GLI3: variants seen among roughly 807,000 people sequenced by gnomAD.
GLI3 encodes the protein GLI family zinc finger 3, also known as transcription activator GLI3.
GLI3 carries 20 observed loss-of-function variants against 100.8 expected under a neutral mutation model. The observed-to-expected ratio is 0.20, with a 90% CI of 0.14 to 0.29. The LOEUF (loss-of-function observed/expected upper bound fraction) is 0.29, where lower values mean the gene tolerates loss of function less well. Among genes scored for constraint, GLI3 ranks in the 10% least tolerant of loss-of-function variants. GLI3 has a pLI of 1.00. For missense variants in GLI3, 2,040 were observed against 2,128.5 expected (o/e 0.96, Z 0.82); for synonymous variants, 938 against 860.5 (o/e 1.09, Z -1.58).
chr7:42,084,705 A>G (rs1785064904), intron 3 of GLI3, among the ~76,000 whole-genome samples: 2 of 152,220 alleles, frequency 1.3e-5, no homozygotes, highest in Non-Finnish European at 1.5e-5. Context: ...ATGTAAACAT[A>G]TAAGGAATCA....
At chr7:42,201,361 T>C (rs1319934836) in intron 2 of GLI3, among the ~76,000 whole-genome samples, 1 of 152,146 alleles carries the variant, frequency 6.6e-6, no homozygotes, top group African/African-American at 2.4e-5. Flanking sequence ...TGCTGGGCAA[T>C]TGACAGAATC....
intron 3 of GLI3, among the ~76,000 whole-genome samples, chr7:42,125,347 G>A (rs1406265205): frequency 6.6e-6 from 1 of 152,136 alleles, no homozygotes; most frequent in Non-Finnish European, 1.5e-5. Flanking sequence ...GACCTTAAAA[G>A]GCTGAACAAC....
At chr7:42,148,613 G>A (rs1786779903) in intron 2 of GLI3, 145 bp from the exon 3 acceptor site, 3 of 772,808 alleles carry the variant, frequency 3.9e-6, no homozygotes, top group East Asian at 2.5e-5. Context: ...GAGCTACAGG[G>A]CTGGGATGGG....
chr7:42,207,762 A>C (rs889259994), intron 2 of GLI3, among the ~76,000 whole-genome samples: 1 of 152,214 alleles, frequency 6.6e-6, no homozygotes, highest in Non-Finnish European at 1.5e-5. Context: ...AATATACCAA[A>C]GTGTTAACTT....
At chr7:42,085,264 C>G (rs1025778188) in intron 3 of GLI3, among the ~76,000 whole-genome samples, 1 of 151,994 alleles carries the variant, frequency 6.6e-6, no homozygotes, top group Non-Finnish European at 1.5e-5. Context: ...GTTAGGAAAC[C>G]AACAACTGAT....
Position 41,966,175 on chromosome 7 carries a change from A to G in GLI3, c.2898T>C (p.Pro966=). The G allele has an allele frequency of 1.9e-6, 3 of 1,602,390 alleles. No individual in the cohort carries two copies. Among genetic ancestry groups the G allele is most frequent in the Non-Finnish European group, 2.5e-6 (3 of 1,177,212 alleles). Residue 966 remains proline, a synonymous_variant, in exon 15 of 15, where the codon CCT becomes CCC. Coordinates refer to ENST00000395925, the MANE Select transcript of GLI3 (RefSeq NM_000168.6). This position sits in a 1 kb window ranked among gnomAD's most constrained non-coding sequence, Gnocchi z 5.8. ...CATGAACTGGAGGCAGGGCCACGCCAGGCTCGAGGGCATCCCCGAGCAGCG... is the reference window on the plus strand; with the variant it reads ...CATGAACTGGAGGCAGGGCCACGCCGGGCTCGAGGGCATCCCCGAGCAGCG... ...RLALLGDALE[P]GVALPPVHAP... is the part of the protein sequence containing the mutation.
rs186686615 is a variant in GLI3, at chr7:42,080,475, C to T, written c.368-3618G>A. On this transcript the variant is annotated intron_variant, in intron 3 of 14. Coordinates refer to ENST00000395925, the MANE Select transcript of GLI3 (RefSeq NM_000168.6). ...TGGTTTAAGTGTCTCACTGTTTCTACGTTTCCCCTCTTGATTAAATTTAAA... is the reference window on the plus strand; with the variant it reads ...TGGTTTAAGTGTCTCACTGTTTCTATGTTTCCCCTCTTGATTAAATTTAAA... Among the ~76,000 whole-genome samples the T allele has an allele frequency of 1.6e-3, 251 of 152,268 alleles. 2 individuals carry two copies. Among genetic ancestry groups the T allele is most frequent in the Non-Finnish European group, 5.3e-4 (36 of 68,020 alleles).
chr7:42,003,236 G>A (rs771771858), intron 10 of GLI3, among the ~76,000 whole-genome samples: 11 of 152,170 alleles, frequency 7.2e-5, no homozygotes, highest in Non-Finnish European at 1.6e-4. Context: ...GTAAATTAAA[G>A]TGAATGTTAT....
At chr7:42,134,300 T>A (rs991329904) in intron 3 of GLI3, among the ~76,000 whole-genome samples, 1 of 151,974 alleles carries the variant, frequency 6.6e-6, no homozygotes, top group African/African-American at 2.4e-5. Context: ...TTCAAATAAC[T>A]ATGCATGAGA....
At chr7:42,084,075 C>T (rs534177862) in intron 3 of GLI3, among the ~76,000 whole-genome samples, 6 of 152,326 alleles carry the variant, frequency 3.9e-5, no homozygotes, top group South Asian at 2.1e-4. Flanking sequence ...TAAACTTCCA[C>T]GGACATTCTC....
At chr7:42,113,394 T>C (rs780311759) in intron 3 of GLI3, 1 of 700,312 alleles carries the variant, frequency 1.4e-6, no homozygotes. Flanking sequence ...AGGGGGATGC[T>C]GAAGGAGATG....
chr7:42,116,647 G>T (rs1278327629), intron 3 of GLI3, among the ~76,000 whole-genome samples: 1 of 152,098 alleles, frequency 6.6e-6, no homozygotes, highest in East Asian at 1.9e-4. Flanking sequence ...CACAGCATTG[G>T]TTACCGGAGA....
intron 4 of GLI3, among the ~76,000 whole-genome samples, chr7:42,053,369 G>A (rs576658724): frequency 9.8e-5 from 15 of 152,322 alleles, no homozygotes; most frequent in African/African-American, 3.4e-4. Flanking sequence ...TCAGGCAGAC[G>A]TGTGTTCACT....
chr7:42,258,395 A>C (rs1310311528), intron 1 of GLI3, among the ~76,000 whole-genome samples: 1 of 152,162 alleles, frequency 6.6e-6, no homozygotes, highest in Non-Finnish European at 1.5e-5. Flanking sequence ...GTAGAGATAC[A>C]TCTGTCTAAT....
intron 3 of GLI3, among the ~76,000 whole-genome samples, chr7:42,135,275 C>G (rs1246544710): frequency 6.6e-6 from 1 of 152,302 alleles, no homozygotes; most frequent in African/African-American, 2.4e-5. Flanking sequence ...TCTCTAAAAG[C>G]CTTGTAGCAA....
chr7:42,024,865 G>A (rs545191736), intron 9 of GLI3, among the ~76,000 whole-genome samples: 2 of 152,250 alleles, frequency 1.3e-5, no homozygotes, highest in South Asian at 2.1e-4. Flanking sequence ...CAGTAGATCC[G>A]CCACAGCTCA....
intron 1 of GLI3, among the ~76,000 whole-genome samples, chr7:42,251,012 G>C (rs1316202671): frequency 6.6e-6 from 1 of 152,128 alleles, no homozygotes; most frequent in African/African-American, 2.4e-5. Context: ...TGGGGAGCTG[G>C]GGATTCATGA....
chr7:42,248,098 C>A (rs1016854822), intron 1 of GLI3, among the ~76,000 whole-genome samples: 5 of 152,198 alleles, frequency 3.3e-5, no homozygotes, highest in Non-Finnish European at 1.5e-5. Flanking sequence ...ATTACAAGTA[C>A]TTTTTAACTA....
chr7:42,209,451 A>G (rs1283651883), intron 2 of GLI3, among the ~76,000 whole-genome samples: 2 of 152,234 alleles, frequency 1.3e-5, no homozygotes, highest in Non-Finnish European at 2.9e-5. Context: ...TGTGATGTAC[A>G]CAGCTTAATT....
Sources: allele counts gnomAD v4.1 joint callset (sites outside exome capture counted in the v4.1 genomes callset), GRCh38; gene constraint gnomAD v4.1.1; non-coding constraint Gnocchi (gnomAD v3.1); transcripts MANE v1.5; gene names NCBI Gene and HGNC (gene_info 2026-07-23, HGNC 2026-07-21).